The following GJB7 variants were observed in gnomAD, a reference collection of about 807,000 sequenced individuals.
GJB7 encodes the protein gap junction beta-7 protein.
For synonymous variants in GJB7, 87 were observed against 95.2 expected (o/e 0.91, Z 0.50); for missense variants, 253 against 256.8 (o/e 0.99, Z 0.10).
chr6:87,307,143 G>A (rs1354137248), intron 2 of GJB7, among the ~76,000 whole-genome samples: 1 of 150,612 alleles, frequency 6.6e-6, no homozygotes, highest in Non-Finnish European at 1.5e-5. Flanking sequence ...CCTGCACATT[G>A]TGCACATGTA....
chr6:87,313,123 G>T (rs384318), intron 2 of GJB7, among the ~76,000 whole-genome samples: 92,673 of 151,990 alleles, frequency 0.61, 28,562 homozygotes, highest in African/African-American at 0.65. Flanking sequence ...AAACAATGAC[G>T]GTAATCTACA....
At chr6:87,320,411 C>T (rs1324758576) in intron 2 of GJB7, among the ~76,000 whole-genome samples, 1 of 152,094 alleles carries the variant, frequency 6.6e-6, no homozygotes, top group Non-Finnish European at 1.5e-5. Flanking sequence ...TAAACCCATG[C>T]CAAAATATTG....
At chr6:87,299,131 G>A (rs1304656893) in intron 2 of GJB7, 1 of 471,586 alleles carries the variant, frequency 2.1e-6, no homozygotes, top group African/African-American at 2.0e-5. Flanking sequence ...CTTTTGCCAA[G>A]AAAGGCTTTG....
intron 2 of GJB7, among the ~76,000 whole-genome samples, chr6:87,288,884 A>G (rs897623313): frequency 6.6e-6 from 1 of 152,158 alleles, no homozygotes; most frequent in Non-Finnish European, 1.5e-5. Flanking sequence ...ATAGCTTCCT[A>G]TCTGTCACTC....
At chr6:87,302,916 T>C (rs990274292) in intron 2 of GJB7, among the ~76,000 whole-genome samples, 3 of 152,192 alleles carry the variant, frequency 2.0e-5, no homozygotes, top group Non-Finnish European at 4.4e-5. Context: ...GAATTTCGTG[T>C]CCAGCCAAAC....
intron 2 of GJB7, among the ~76,000 whole-genome samples, chr6:87,301,855 A>G (rs1194185188): frequency 6.6e-6 from 1 of 152,222 alleles, no homozygotes; most frequent in Non-Finnish European, 1.5e-5. Context: ...ATCAGGCAGC[A>G]ACATTTGCTG....
intron 2 of GJB7, among the ~76,000 whole-genome samples, chr6:87,312,747 A>G (rs987737798): frequency 3.3e-5 from 5 of 152,130 alleles, no homozygotes; most frequent in Non-Finnish European, 7.4e-5. Flanking sequence ...TCAGACATTC[A>G]TGGGGAAATG....
At chr6:87,318,119 A>ATTT (rs34345524) in intron 2 of GJB7, among the ~76,000 whole-genome samples, 3 of 144,244 alleles carry the variant, frequency 2.1e-5, no homozygotes, top group South Asian at 2.2e-4. Context: ...TCCCCATTCT[A>ATTT]TTTTTTTTTT....
At chr6:87,294,688 G>A (rs140735436) in intron 2 of GJB7, among the ~76,000 whole-genome samples, 1 of 152,210 alleles carries the variant, frequency 6.6e-6, no homozygotes, top group Admixed American at 6.5e-5. Flanking sequence ...AACTCAAGTA[G>A]GTCTAAAAGA....
chr6:87,294,705 C>T (rs1224106899), intron 2 of GJB7, among the ~76,000 whole-genome samples: 1 of 152,158 alleles, frequency 6.6e-6, no homozygotes, highest in Non-Finnish European at 1.5e-5. Flanking sequence ...AAGACAGTGA[C>T]CAGGGTGATG....
intron 2 of GJB7, chr6:87,298,903 T>C (rs1409411861): frequency 2.4e-6 from 1 of 423,426 alleles, no homozygotes; most frequent in Non-Finnish European, 4.6e-6. Context: ...GGGTGTAGAC[T>C]TTTTAGCAGA....
Position 87,293,814 on chromosome 6 carries a change from T to C in GJB7, c.-27-8875A>G, listed in dbSNP as rs543477139. Among the ~76,000 whole-genome samples, 8 of 152,298 alleles carry C rather than the reference T, an allele frequency of 5.3e-5. 1 individual carries two copies. The South Asian group carries it at 1.5e-3, about 28-fold the overall frequency. On this transcript the variant is annotated intron_variant, in intron 2 of 2. Transcript: ENST00000525899. ...ACAAAGGTAGCATGCAAGAATCCAG[T>C]ATGACAGAGGTGTAATTTTCCAGAC... is the stretch of plus-strand genomic sequence containing the variant.
At position 87,326,071 on chromosome 6, in the gene GJB7, T is replaced by C. The variant is rs989984574; in HGVS notation, c.-205-3028A>G. On this transcript the variant is annotated intron_variant, in intron 1 of 2. Transcript: ENST00000525899. ...ATTTGCATAGAGCTGTTTGTAGTAT[T>C]CTCTGATGGTAGTTTGTATTTCTGT... Among the ~76,000 whole-genome samples the C allele has an allele frequency of 1.6e-4, 25 of 152,352 alleles. 1 individual carries two copies. Among genetic ancestry groups the C allele is most frequent in the Admixed American group, 1.2e-3 (19 of 15,294 alleles).
intron 2 of GJB7, among the ~76,000 whole-genome samples, chr6:87,298,193 T>C (rs1369358526): frequency 6.6e-6 from 1 of 152,148 alleles, no homozygotes; most frequent in East Asian, 1.9e-4. Flanking sequence ...CAAAGTTAAA[T>C]TGTCTGAAGG....
chr6:87,303,260 G>T (rs1239319848), intron 2 of GJB7, among the ~76,000 whole-genome samples: 2 of 152,178 alleles, frequency 1.3e-5, no homozygotes, highest in Non-Finnish European at 2.9e-5. Flanking sequence ...AGACCCATCA[G>T]TGTGCTGTAT....
intron 2 of GJB7, among the ~76,000 whole-genome samples, chr6:87,303,371 A>G (rs1477031666): frequency 6.6e-6 from 1 of 152,132 alleles, no homozygotes; most frequent in African/African-American, 2.4e-5. Context: ...AGAAGGGGTT[A>G]CAATCCTAGT....
chr6:87,323,922 C>T (rs925123071), intron 1 of GJB7, among the ~76,000 whole-genome samples: 2 of 152,010 alleles, frequency 1.3e-5, no homozygotes, highest in African/African-American at 2.4e-5. Flanking sequence ...TCTCCACAGC[C>T]TCTCCAGCAC....
intron 2 of GJB7, among the ~76,000 whole-genome samples, chr6:87,300,806 T>C (rs1031875090): frequency 6.6e-6 from 1 of 152,208 alleles, no homozygotes; most frequent in South Asian, 2.1e-4. Flanking sequence ...GATGAAAAGT[T>C]AAGCAGCCTT....
chr6:87,292,523 A>C (rs561410139), intron 2 of GJB7, among the ~76,000 whole-genome samples: 1 of 152,326 alleles, frequency 6.6e-6, no homozygotes, highest in South Asian at 2.1e-4. Context: ...TCACTTTCCC[A>C]ACCCCAGAAA....
Sources: gnomAD v4.1 joint callset for allele counts (sites outside exome capture counted in the v4.1 genomes callset) on GRCh38, gnomAD v4.1.1 for gene constraint, MANE v1.5 for transcripts, NCBI Gene and HGNC (gene_info 2026-07-23, HGNC 2026-07-21) for gene names.